ELAVL3: variants seen among roughly 807,000 people sequenced by gnomAD.
ELAVL3 encodes ELAV like RNA binding protein 3.
In ELAVL3, 8 loss-of-function variants were observed where a neutral mutation model predicts 34.2. The ratio of observed to expected loss-of-function variants is 0.23; its 90% CI spans 0.14 to 0.42. ELAVL3 has a LOEUF of 0.42. Among genes scored for constraint, ELAVL3 ranks in the 10% least tolerant of loss-of-function variants. The probability of loss-of-function intolerance (pLI) is 1.00; values close to 1 mark genes in which losing one functional copy is unlikely to be tolerated. For missense variants in ELAVL3, 273 were observed against 518.8 expected, an observed-to-expected ratio of 0.53 and a Z score of 4.60; for synonymous variants, 209 against 222.1, an observed-to-expected ratio of 0.94 and a Z score of 0.53.
chr19:11,466,406 G>T lies in ELAVL3; in HGVS notation c.230-131C>A. 4 of 1,025,156 alleles carry T rather than the reference G, an allele frequency of 3.9e-6. No individual in the cohort carries two copies. Among genetic ancestry groups the T allele is most frequent in the Non-Finnish European group, 3.0e-6 (2 of 677,146 alleles). 63.5% of individuals were successfully genotyped at this position (1,025,156 alleles called of 1,614,324 possible). On this transcript the variant is annotated intron_variant, in intron 2 of 6. Transcript: ENST00000359227. The surrounding 1 kb of genome is among the most constrained non-coding windows in gnomAD (Gnocchi z 5.0). ...CCTGTTTCCAGATGACACCTTCGAT[G>T]CTAGAGTCCCACCTGCCTCCATCGC...
At chr19:11,457,218 G>GGCCCCCCCCC in intron 5 of ELAVL3, 70 bp from the exon 6 acceptor site, 1 of 1,468,682 alleles carries the variant, frequency 6.8e-7, no homozygotes, top group Non-Finnish European at 9.1e-7. Flanking sequence ...CCGTCGGCCT[G>GGCCCCCCCCC]CCCTCCCCAC....
intron 1 of ELAVL3, among the ~76,000 whole-genome samples, chr19:11,476,259 CGAGGAAAGAGA>C (rs1971261370): frequency 6.6e-6 from 1 of 152,090 alleles, no homozygotes; most frequent in South Asian, 2.1e-4. Context: ...ATTTAATACA[CGAGGAAAGAGA>C]GTCTCAATGA....
intron 1 of ELAVL3, among the ~76,000 whole-genome samples, chr19:11,476,138 A>C (rs936987192): frequency 2.0e-5 from 3 of 152,188 alleles, no homozygotes; most frequent in Non-Finnish European, 4.4e-5. Flanking sequence ...TTAATACTTA[A>C]CTGATCGCGT....
chr19:11,478,180 A>C (rs1233939476), intron 1 of ELAVL3, among the ~76,000 whole-genome samples: 1 of 152,046 alleles, frequency 6.6e-6, no homozygotes, highest in Non-Finnish European at 1.5e-5. Context: ...TGATCCGATG[A>C]CCCTAGAGCC....
rs1014030325 is a variant in ELAVL3, at chr19:11,452,222, T to C, written c.*2304A>G. On this transcript the variant is annotated 3_prime_UTR_variant, in exon 7 of 7. Coordinates refer to ENST00000359227, the MANE Select transcript of ELAVL3 (RefSeq NM_001420.4). Reference sequence around the variant, plus strand: ...CTACCATTACTGTTATTAATAATTATTATTACTTTAATGATTCCACTTCCC... The same window carrying C: ...CTACCATTACTGTTATTAATAATTACTATTACTTTAATGATTCCACTTCCC... The C allele has an allele frequency of 1.3e-5, 2 of 152,234 alleles. No homozygotes were observed. The highest frequency in any genetic ancestry group is 2.9e-5 in the Non-Finnish European group (2 of 68,048). The allele number at this position is 152,234 out of a possible 1,614,324, so 9.4% of individuals were successfully genotyped here.
At chr19:11,477,864 A>G (rs866017891) in intron 1 of ELAVL3, among the ~76,000 whole-genome samples, 1 of 151,820 alleles carries the variant, frequency 6.6e-6, no homozygotes. Context: ...AACTTTTTAT[A>G]TTTGTAGTAG....
chr19:11,469,855 C>T (rs558260738), intron 1 of ELAVL3, among the ~76,000 whole-genome samples: 10 of 152,052 alleles, frequency 6.6e-5, no homozygotes, highest in Non-Finnish European at 1.3e-4. Flanking sequence ...CTCAAGAGCT[C>T]GAGACCAGCC....
At chr19:11,479,538 G>A (rs1202849659) in intron 1 of ELAVL3, among the ~76,000 whole-genome samples, 2 of 151,874 alleles carry the variant, frequency 1.3e-5, no homozygotes, top group African/African-American at 2.4e-5. Flanking sequence ...CGCGGCAGGG[G>A]CGGGGGTGGA....
intron 5 of ELAVL3, 70 bp from the exon 6 acceptor site, chr19:11,457,218 G>GCCCC: frequency 6.8e-7 from 1 of 1,468,672 alleles, no homozygotes. Flanking sequence ...CCGTCGGCCT[G>GCCCC]CCCTCCCCAC....
chr19:11,454,946 C>A lies in ELAVL3; in HGVS notation c.753-69G>T. On this transcript the variant is annotated intron_variant, in intron 6 of 6. Transcript: ENST00000359227. The surrounding 1 kb of genome is among the most constrained non-coding windows in gnomAD (Gnocchi z 9.2). ...CTTCTGACCCCGTTGTGACCCTTCA[C>A]ACCTTTATGACCCCTGACTGTGCCA... 1 of 1,489,262 alleles carries A rather than the reference C, an allele frequency of 6.7e-7. No homozygotes were observed. Among genetic ancestry groups the A allele is most frequent in the Non-Finnish European group, 9.0e-7 (1 of 1,108,020 alleles). The allele number at this position is 1,489,262 out of a possible 1,614,324, so 92.3% of individuals were successfully genotyped here.
chr19:11,472,936 G>A (rs765201014), intron 1 of ELAVL3, among the ~76,000 whole-genome samples: 31 of 151,746 alleles, frequency 2.0e-4, no homozygotes, highest in Non-Finnish European at 4.3e-4. Context: ...GTGGGGTGGT[G>A]GGCACCTGTA....
In ELAVL3 at chr19:11,466,500, G is replaced by T; in HGVS notation, c.229+108C>A. On this transcript the variant is annotated intron_variant, in intron 2 of 6. Coordinates refer to ENST00000359227, the MANE Select transcript of ELAVL3 (RefSeq NM_001420.4). This position sits in a 1 kb window ranked among gnomAD's most constrained non-coding sequence, Gnocchi z 5.0. ...ACCTCACATCCCTAGACCACCTCCT[G>T]CCTCGATTACCCCCGAGACACCTCA... is the stretch of plus-strand genomic sequence containing the variant. The T allele has an allele frequency of 7.6e-7, 1 of 1,310,812 alleles. No individual in the cohort carries two copies. The highest frequency in any genetic ancestry group is 1.1e-6 in the Non-Finnish European group (1 of 930,770). The allele number at this position is 1,310,812 out of a possible 1,614,324, so 81.2% of individuals were successfully genotyped here. A position where few individuals can be genotyped will look rare whatever the true frequency, so the allele number is the denominator to read the frequency against.
chr19:11,457,278 C>CT lies in ELAVL3; in HGVS notation c.714-131_714-130insA, dbSNP rs1357933160. On this transcript the variant is annotated intron_variant, in intron 5 of 6. Transcript: ENST00000359227. ...AGCCCTGCCCCCGCCTGCCTGCTCC[C>CT]CGCCCGCCCGGCTAGACACTGCCTG... 23 of 1,008,526 alleles carry CT rather than the reference C, an allele frequency of 2.3e-5. No individual in the cohort carries two copies. In the Middle Eastern group the frequency reaches 9.1e-4, roughly 40 times the overall value. The allele number at this position is 1,008,526 out of a possible 1,614,324, so 62.5% of individuals were successfully genotyped here.
Position 11,453,439 on chromosome 19 carries a change from T to C in ELAVL3, c.*1087A>G, listed in dbSNP as rs1473507620. 6.5e-6 allele frequency: 1 copy of C among 152,756 alleles called. No individual in the cohort carries two copies. The highest frequency in any genetic ancestry group is 1.5e-5 in the Non-Finnish European group (1 of 68,156). The allele number at this position is 152,756 out of a possible 1,614,324, so 9.5% of individuals were successfully genotyped here. A position where few individuals can be genotyped will look rare whatever the true frequency, so the allele number is the denominator to read the frequency against. On this transcript the variant is annotated 3_prime_UTR_variant, in exon 7 of 7. Coordinates refer to ENST00000359227, the MANE Select transcript of ELAVL3 (RefSeq NM_001420.4). ...GGGCCTGTGGGATGCTATGGGCATA[T>C]GTCTGCGTGTTCCTGGGTGGTGTTT...
intron 6 of ELAVL3, among the ~76,000 whole-genome samples, chr19:11,456,594 T>C (rs557713367): frequency 6.7e-6 from 1 of 150,016 alleles, no homozygotes; most frequent in African/African-American, 2.5e-5. Flanking sequence ...CCTCCTTCCA[T>C]GTTCAAGCGA....
chr19:11,461,603 G>A (rs1411452592), intron 3 of ELAVL3, among the ~76,000 whole-genome samples: 2 of 148,446 alleles, frequency 1.3e-5, no homozygotes, highest in African/African-American at 5.0e-5. Flanking sequence ...GTTTTTGTTT[G>A]TGGGTTTGTT....
chr19:11,476,773 C>G (rs565101009), intron 1 of ELAVL3, among the ~76,000 whole-genome samples: 1 of 152,148 alleles, frequency 6.6e-6, no homozygotes, highest in Non-Finnish European at 1.5e-5. Flanking sequence ...GTGGTGGGCA[C>G]CTGTAATCTC....
Position 11,458,560 on chromosome 19 carries a change from C to A in ELAVL3, c.385G>T (p.Val129Phe). The change falls in exon 4 of 7, where the codon GTC (valine) becomes TTC (phenylalanine). Residue 129 changes from valine to phenylalanine, a missense_variant. Physicochemically the swap from Val to Phe is conservative, Grantham distance 50. Around this residue, in one of 4 missense-constraint regions of ELAVL3, gnomAD observed 102 missense variants for 250.1 expected, o/e 0.41. Transcript: ENST00000359227. This position sits in a 1 kb window ranked among gnomAD's most constrained non-coding sequence, Gnocchi z 7.3. ...SASIRDANLYVSGLPKTMSQK... is the reference protein window; with the variant it reads ...SASIRDANLYFSGLPKTMSQK... ...CTCATGGTCTTGGGGAGCCCGCTGACGTACAGGTTAGCATCCCGGATGGAT... is the reference window on the plus strand; with the variant it reads ...CTCATGGTCTTGGGGAGCCCGCTGAAGTACAGGTTAGCATCCCGGATGGAT... 6.2e-7 allele frequency: 1 copy of A among 1,614,116 alleles called. No homozygotes were observed. The highest frequency in any genetic ancestry group is 8.5e-7 in the Non-Finnish European group (1 of 1,180,024).
chr19:11,458,857 G>A lies in ELAVL3; in HGVS notation c.334-246C>T, dbSNP rs553987586. Among the ~76,000 whole-genome samples the A allele has an allele frequency of 5.9e-5, 9 of 152,196 alleles. No individual in the cohort carries two copies. The South Asian group carries it at 1.5e-3, about 25-fold the overall frequency. ...GGGACCTGCCACCTAGGGAGGACAT[G>A]TCTCCCTGGGGTGACATGTGACCCC... On this transcript the variant is annotated intron_variant, in intron 3 of 6. Transcript: ENST00000359227. This position sits in a 1 kb window ranked among gnomAD's most constrained non-coding sequence, Gnocchi z 7.3.
Sources: allele counts gnomAD v4.1 joint callset (sites outside exome capture counted in the v4.1 genomes callset), GRCh38; gene constraint gnomAD v4.1.1; regional missense constraint gnomAD v4.1.1; non-coding constraint Gnocchi (gnomAD v3.1); transcripts MANE v1.5; gene names NCBI Gene and HGNC (gene_info 2026-07-23, HGNC 2026-07-21).